Variants in ARAP2 observed in about 807,000 individuals in gnomAD.
ARAP2 encodes ArfGAP with RhoGAP domain, ankyrin repeat and PH domain 2.
Under a neutral mutation model 194.5 loss-of-function variants are expected in ARAP2, and 148 were observed. The ratio of observed to expected loss-of-function variants is 0.76; its 90% CI spans 0.67 to 0.87. The LOEUF is 0.87. Among genes scored for constraint, ARAP2 ranks in the 40% least tolerant of loss-of-function variants. ARAP2 has a pLI of 0.00. For missense variants in ARAP2, 2,128 were observed against 1,989.7 expected, an observed-to-expected ratio of 1.07 and a Z score of -1.32; for synonymous variants, 695 against 683.5, an observed-to-expected ratio of 1.02 and a Z score of -0.26.
At chr4:36,190,082 C>A (rs915679104) in intron 7 of ARAP2, among the ~76,000 whole-genome samples, 2 of 152,174 alleles carry the variant, frequency 1.3e-5, no homozygotes, top group Non-Finnish European at 2.9e-5. Context: ...CACATTTCTA[C>A]CCAAGCCAGT....
Position 36,114,238 on chromosome 4 carries a change from A to G in ARAP2, c.4088T>C (p.Ile1363Thr), listed in dbSNP as rs1428573741. ...AEELTNDILA[I>T]KNIIPTKGDI... is the part of the protein sequence containing the mutation. The stretch of plus-strand genomic sequence containing the variant: ...ACCTTTTGTAGGAATAATATTTTTT[A>G]TCGCTAATATATCATTAGTTAATTC... The change falls in exon 26 of 33, where the codon ATA becomes ACA. Residue 1363 changes from isoleucine (I) to threonine (T), a missense_variant. Physicochemically the swap from Ile to Thr is moderately conservative, Grantham distance 89. Coordinates refer to ENST00000303965, the MANE Select transcript of ARAP2 (RefSeq NM_015230.4). 10 of 1,601,234 alleles carry G rather than the reference A, an allele frequency of 6.2e-6. No individual in the cohort carries two copies. Among genetic ancestry groups the G allele is most frequent in the Non-Finnish European group, 6.8e-6 (8 of 1,169,950 alleles).
At chr4:36,175,465 C>G (rs191269975) in intron 9 of ARAP2, among the ~76,000 whole-genome samples, 1 of 152,098 alleles carries the variant, frequency 6.6e-6, no homozygotes, top group South Asian at 2.1e-4. Context: ...TACATGAAAA[C>G]GGAATGGTAT....
At chr4:36,159,720 T>C (rs1733469756) in intron 13 of ARAP2, 1 of 360,214 alleles carries the variant, frequency 2.8e-6, no homozygotes, top group Non-Finnish European at 4.8e-6. Context: ...CAGGTCTCAA[T>C]TCATTGTTTG....
intron 11 of ARAP2, among the ~76,000 whole-genome samples, chr4:36,164,224 T>A (rs1468024425): frequency 1.3e-5 from 2 of 151,996 alleles, no homozygotes. Flanking sequence ...GTACATACAG[T>A]GGGGGAGAAG....
intron 6 of ARAP2, among the ~76,000 whole-genome samples, chr4:36,196,142 A>G (rs1218058880): frequency 6.6e-6 from 1 of 152,224 alleles, no homozygotes; most frequent in Non-Finnish European, 1.5e-5. Context: ...CCAAAACATC[A>G]AGTATAAAAG....
intron 5 of ARAP2, among the ~76,000 whole-genome samples, chr4:36,038,917 T>C (rs1361553571): frequency 2.6e-5 from 4 of 152,218 alleles, no homozygotes; most frequent in Non-Finnish European, 5.9e-5. Flanking sequence ...TCTGAGAACA[T>C]TTATGCCAAC....
rs1417257636 is a variant in ARAP2, at chr4:36,068,104, C to G, written c.4918G>C (p.Glu1640Gln). Residue 1640 changes from glutamate (E) to glutamine (Q), a missense_variant, in exon 33 of 33, where the codon GAG (glutamate) becomes CAG (glutamine). Coordinates refer to ENST00000303965, the MANE Select transcript of ARAP2 (RefSeq NM_015230.4). ...HRSFNCLEDTEPEAPLGQPKG... is the reference protein window; with the variant it reads ...HRSFNCLEDTQPEAPLGQPKG... ...GGTTGCCCAAGTGGGGCTTCAGGCT[C>G]TGTGTCCTCCAGGCAGTTGAAACTC... is the stretch of plus-strand genomic sequence containing the variant. The G allele has an allele frequency of 2.5e-6, 4 of 1,614,034 alleles. No individual in the cohort carries two copies. In the African/African-American group the frequency reaches 5.3e-5, roughly 22 times the overall value.
intron 5 of ARAP2, among the ~76,000 whole-genome samples, chr4:36,044,088 C>A (rs906259324): frequency 6.6e-6 from 1 of 152,044 alleles, no homozygotes; most frequent in Non-Finnish European, 1.5e-5. Flanking sequence ...ATGAACATTT[C>A]GTGGTTTATG....
At chr4:36,236,012 A>G (rs1752374619) in intron 1 of ARAP2, among the ~76,000 whole-genome samples, 1 of 151,998 alleles carries the variant, frequency 6.6e-6, no homozygotes, top group South Asian at 2.1e-4. Context: ...CCCTGTCTCT[A>G]ACCAAAATAT....
chr4:36,170,266 T>C (rs538947067), intron 9 of ARAP2, among the ~76,000 whole-genome samples: 1 of 152,310 alleles, frequency 6.6e-6, no homozygotes, highest in South Asian at 2.1e-4. Flanking sequence ...ACAGTATAAG[T>C]ATGCAATATG....
At chr4:36,220,799 G>A (rs1247394029) in intron 2 of ARAP2, among the ~76,000 whole-genome samples, 2 of 152,098 alleles carry the variant, frequency 1.3e-5, no homozygotes, top group African/African-American at 2.4e-5. Context: ...GCTGTATAAT[G>A]TGTGTTTTAA....
intron 9 of ARAP2, among the ~76,000 whole-genome samples, chr4:36,173,968 T>C (rs1578168677): frequency 6.6e-6 from 1 of 152,216 alleles, no homozygotes; most frequent in African/African-American, 2.4e-5. Context: ...ATAATCATCA[T>C]CATCATCAGA....
chr4:36,147,921 T>A (rs529706207), intron 17 of ARAP2, among the ~76,000 whole-genome samples, 175 bp from the exon 18 acceptor site: 125 of 152,332 alleles, frequency 8.2e-4, no homozygotes, highest in Non-Finnish European at 1.5e-3. Context: ...ACTGAACAAC[T>A]ATAATGCATT....
At chr4:36,098,914 G>A (rs1464256019) in intron 27 of ARAP2, among the ~76,000 whole-genome samples, 3 of 151,792 alleles carry the variant, frequency 2.0e-5, no homozygotes, top group Non-Finnish European at 4.4e-5. Flanking sequence ...AAGTTCTGGG[G>A]TACATGTGCA....
At chr4:36,224,309 A>AT (rs1334357733) in intron 2 of ARAP2, among the ~76,000 whole-genome samples, 1 of 151,844 alleles carries the variant, frequency 6.6e-6, no homozygotes, top group Non-Finnish European at 1.5e-5. Context: ...ATTAAAAAAA[A>AT]AAAACACAAT....
At chr4:36,229,981 T>G (rs923244488) in intron 1 of ARAP2, among the ~76,000 whole-genome samples, 1 of 152,230 alleles carries the variant, frequency 6.6e-6, no homozygotes, top group Non-Finnish European at 1.5e-5. Flanking sequence ...TTCAAGAGCA[T>G]TTGTGGGAAA....
chr4:36,169,527 G>C (rs1283457924), intron 9 of ARAP2, among the ~76,000 whole-genome samples: 1 of 145,084 alleles, frequency 6.9e-6, no homozygotes, highest in Admixed American at 7.1e-5. Flanking sequence ...ACAAGGCAAA[G>C]ATGACTTTTT....
downstream of ARAP2, among the ~76,000 whole-genome samples, chr4:36,062,674 T>C (rs1413882741): frequency 6.6e-6 from 1 of 150,858 alleles, no homozygotes; most frequent in Non-Finnish European, 1.5e-5. Context: ...ATAAAACAGT[T>C]GTTGAAAAAA....
chr4:36,144,084 T>C (rs13102943), intron 19 of ARAP2, among the ~76,000 whole-genome samples: 97,416 of 151,620 alleles, frequency 0.64, 34,130 homozygotes, highest in South Asian at 0.8. Context: ...AGAATTACAT[T>C]AAACTGAATC....
Sources: gnomAD v4.1 joint callset for allele counts (sites outside exome capture counted in the v4.1 genomes callset) on GRCh38, gnomAD v4.1.1 for gene constraint, MANE v1.5 for transcripts, NCBI Gene and HGNC (gene_info 2026-07-23, HGNC 2026-07-21) for gene names.